EYA4: variants seen among roughly 807,000 people sequenced by gnomAD.
EYA4 encodes protein phosphatase EYA4.
EYA4 carries 31 observed loss-of-function variants against 87.9 expected under a neutral mutation model. The observed-to-expected ratio is 0.35, with a 90% CI of 0.27 to 0.48. EYA4 has a LOEUF of 0.48. Among genes scored for constraint, EYA4 ranks in the 20% least tolerant of loss-of-function variants. EYA4 has a pLI of 0.99. For synonymous variants in EYA4, 263 were observed against 270.6 expected, an observed-to-expected ratio of 0.97 and a Z score of 0.28; for missense variants, 678 against 761.4, an observed-to-expected ratio of 0.89 and a Z score of 1.29.
intron 2 of EYA4, among the ~76,000 whole-genome samples, chr6:133,321,056 T>G (rs1258704991): frequency 6.6e-6 from 1 of 152,192 alleles, no homozygotes; most frequent in Non-Finnish European, 1.5e-5. Flanking sequence ...CCTATTGTCT[T>G]CCGCCTAGGA....
At chr6:133,489,198 A>G (rs1796931452) in intron 13 of EYA4, among the ~76,000 whole-genome samples, 1 of 152,158 alleles carries the variant, frequency 6.6e-6, no homozygotes, top group Non-Finnish European at 1.5e-5. Context: ...TTGAAAATAC[A>G]CAGCCAGGGG....
At position 133,483,103 on chromosome 6, in the gene EYA4, G is replaced by A; in HGVS notation, c.1179G>A (p.Gln393=). The A allele has an allele frequency of 6.2e-7, 1 of 1,610,494 alleles. No individual in the cohort carries two copies. The highest frequency in any genetic ancestry group is 8.5e-7 in the Non-Finnish European group (1 of 1,177,054). The stretch of plus-strand genomic sequence containing the variant: ...CACTGCTCACCGGGTCTTATGCACA[G>A]AAGTATGGCAAGGTAAGAAATCAAG... The part of the protein sequence containing the change: ...FHSLLTGSYA[Q]KYGKDPPMAV... The change falls in exon 13 of 20, where the codon CAG becomes CAA. Residue 393 remains glutamine (Q), a synonymous_variant. Coordinates refer to ENST00000355286, the MANE Select transcript of EYA4 (RefSeq NM_004100.5).
chr6:133,407,521 A>G (rs1164647157), intron 3 of EYA4, among the ~76,000 whole-genome samples: 2 of 152,108 alleles, frequency 1.3e-5, no homozygotes, highest in Non-Finnish European at 2.9e-5. Context: ...GCTTAGCAGA[A>G]GCAGTTCCAC....
intron 16 of EYA4, among the ~76,000 whole-genome samples, chr6:133,514,036 G>A (rs752588734): frequency 4.9e-4 from 74 of 152,096 alleles, no homozygotes; most frequent in Non-Finnish European, 9.4e-4. Context: ...CCAGTGCCTA[G>A]CAGTGAAACA....
intron 3 of EYA4, among the ~76,000 whole-genome samples, chr6:133,440,251 A>C (rs916387301): frequency 7.2e-4 from 109 of 152,326 alleles, no homozygotes; most frequent in African/African-American, 2.5e-3. Flanking sequence ...ATTAATTAGC[A>C]CATATAAATG....
chr6:133,518,078 G>A (rs1484826322), intron 17 of EYA4, among the ~76,000 whole-genome samples: 2 of 152,134 alleles, frequency 1.3e-5, no homozygotes, highest in Admixed American at 1.3e-4. Flanking sequence ...AAATGTCAGG[G>A]ACGCTGGAGC....
chr6:133,490,816 A>G (rs1442945550), intron 13 of EYA4, among the ~76,000 whole-genome samples: 1 of 152,178 alleles, frequency 6.6e-6, no homozygotes, highest in African/African-American at 2.4e-5. Context: ...CACAATCAAC[A>G]AAGAAACACT....
chr6:133,327,963 A>C (rs930391732), intron 2 of EYA4, among the ~76,000 whole-genome samples: 3 of 152,222 alleles, frequency 2.0e-5, no homozygotes, highest in Admixed American at 6.5e-5. Flanking sequence ...GGCCAAGTTG[A>C]TAAACTTTTA....
At chr6:133,252,579 A>G (rs184200748) in intron 1 of EYA4, among the ~76,000 whole-genome samples, 1 of 152,204 alleles carries the variant, frequency 6.6e-6, no homozygotes, top group African/African-American at 2.4e-5. Flanking sequence ...ATTTAAGCAT[A>G]TATGAAACAC....
chr6:133,252,979 A>ACT lies in EYA4; in HGVS notation c.-66+11231_-66+11232insTC, dbSNP rs1367349776. On this transcript the variant is annotated intron_variant, in intron 1 of 19. Transcript: ENST00000355286. ...CACACACACACACACACACACACAC[A>ACT]CACACACACACTCACTCTCTCTCTC... Among the ~76,000 whole-genome samples, 477 of 98,302 alleles carry ACT rather than the reference A, an allele frequency of 4.9e-3. 3 individuals are homozygous for ACT. The highest frequency in any genetic ancestry group is 0.017 in the East Asian group (45 of 2,702). 64.5% of individuals were successfully genotyped at this position (98,302 alleles called of 152,430 possible). A position where few individuals can be genotyped will look rare whatever the true frequency, so the allele number is the denominator to read the frequency against.
At chr6:133,385,351 T>A (rs1190255511) in intron 3 of EYA4, among the ~76,000 whole-genome samples, 5 of 116,464 alleles carry the variant, frequency 4.3e-5, no homozygotes, top group South Asian at 2.4e-4. Context: ...CATATATATA[T>A]ATTTTTTCTC....
intron 17 of EYA4, among the ~76,000 whole-genome samples, chr6:133,521,174 G>A (rs1800091223): frequency 6.6e-6 from 1 of 151,890 alleles, no homozygotes; most frequent in Admixed American, 6.6e-5. Flanking sequence ...AGAGTGAACA[G>A]GCAACTGACA....
At chr6:133,479,206 G>GT (rs1418356234) in intron 11 of EYA4, among the ~76,000 whole-genome samples, 2 of 152,092 alleles carry the variant, frequency 1.3e-5, no homozygotes, top group Non-Finnish European at 2.9e-5. Context: ...TTATTTAAAA[G>GT]TTGGTGTATG....
intron 2 of EYA4, among the ~76,000 whole-genome samples, chr6:133,327,122 ACTAAAATTT>A: frequency 6.6e-6 from 1 of 152,122 alleles, no homozygotes; most frequent in South Asian, 2.1e-4. Context: ...TAAATCTTAC[ACTAAAATTT>A]ATTTTATTTT....
At chr6:133,358,222 A>G (rs1453226309) in intron 2 of EYA4, among the ~76,000 whole-genome samples, 1 of 152,126 alleles carries the variant, frequency 6.6e-6, no homozygotes, top group African/African-American at 2.4e-5. Context: ...TTTGTCTTTA[A>G]GGTAGGGGTA....
chr6:133,262,084 G>C (rs553533853), intron 1 of EYA4, among the ~76,000 whole-genome samples: 1 of 152,140 alleles, frequency 6.6e-6, no homozygotes, highest in Non-Finnish European at 1.5e-5. Context: ...AGGGTTTCAA[G>C]AGTTCAATGC....
intron 3 of EYA4, among the ~76,000 whole-genome samples, chr6:133,423,796 A>T (rs191777430): frequency 6.6e-6 from 1 of 152,160 alleles, no homozygotes; most frequent in East Asian, 1.9e-4. Flanking sequence ...TTAATAATTT[A>T]TTCCTCTCTA....
intron 2 of EYA4, among the ~76,000 whole-genome samples, chr6:133,381,864 A>G (rs868155193): frequency 4.6e-5 from 7 of 152,324 alleles, no homozygotes; most frequent in South Asian, 4.1e-4. Flanking sequence ...ATAGTCTGCA[A>G]GATATACTGA....
intron 17 of EYA4, among the ~76,000 whole-genome samples, chr6:133,522,538 A>T (rs1213028361): frequency 6.6e-6 from 1 of 152,170 alleles, no homozygotes. Flanking sequence ...AAGTAAATGC[A>T]TGAAATGGAG....
Sources: gnomAD v4.1 joint callset for allele counts (sites outside exome capture counted in the v4.1 genomes callset) on GRCh38, gnomAD v4.1.1 for gene constraint, MANE v1.5 for transcripts, NCBI Gene and HGNC (gene_info 2026-07-23, HGNC 2026-07-21) for gene names.